CDK8: variants seen among roughly 807,000 people sequenced by gnomAD.
CDK8 encodes the protein cyclin dependent kinase 8.
A neutral mutation model predicts 71.5 loss-of-function variants in CDK8; 29 were observed. That is an observed-to-expected ratio of 0.41 (90% CI 0.30 to 0.55). CDK8 has a LOEUF of 0.55. CDK8 is among the 20% of genes least tolerant of loss of function. The probability of loss-of-function intolerance (pLI) is 0.37; values close to 1 mark genes in which losing one functional copy is unlikely to be tolerated. For missense variants in CDK8, 288 were observed against 572.6 expected, an observed-to-expected ratio of 0.50 and a Z score of 5.07; for synonymous variants, 161 against 192.1, an observed-to-expected ratio of 0.84 and a Z score of 1.34.
At chr13:26,261,883 G>T (rs927561206) in intron 1 of CDK8, among the ~76,000 whole-genome samples, 7 of 152,144 alleles carry the variant, frequency 4.6e-5, no homozygotes, top group African/African-American at 1.7e-4. Context: ...ATTGACTTTG[G>T]TTTAGGACCA....
At chr13:26,376,811 C>T (rs1000441075) in intron 4 of CDK8, among the ~76,000 whole-genome samples, 1 of 151,836 alleles carries the variant, frequency 6.6e-6, no homozygotes, top group Non-Finnish European at 1.5e-5. Context: ...AAGAAAAAAC[C>T]CTTGGGTTTT....
At chr13:26,308,995 A>G (rs1471263831) in intron 1 of CDK8, among the ~76,000 whole-genome samples, 3 of 152,256 alleles carry the variant, frequency 2.0e-5, no homozygotes, top group Admixed American at 6.5e-5. Flanking sequence ...AAGTGGGGAC[A>G]AATAAAGAAG....
intron 1 of CDK8, among the ~76,000 whole-genome samples, chr13:26,260,751 A>C (rs1383834981): frequency 1.3e-5 from 2 of 152,214 alleles, no homozygotes; most frequent in Non-Finnish European, 2.9e-5. Context: ...TTGACAATTA[A>C]TTCTCTGGGC....
intron 1 of CDK8, among the ~76,000 whole-genome samples, chr13:26,285,652 CAA>C (rs922430942): frequency 2.6e-5 from 4 of 152,082 alleles, no homozygotes; most frequent in Non-Finnish European, 1.5e-5. Context: ...AGCAGTCAGA[CAA>C]GAGAAGGAAA....
intron 1 of CDK8, among the ~76,000 whole-genome samples, chr13:26,266,101 G>C (rs1004753496): frequency 2.6e-5 from 4 of 151,956 alleles, no homozygotes; most frequent in Non-Finnish European, 5.9e-5. Flanking sequence ...GGCTTGGGCA[G>C]CTGGATATTG....
chr13:26,273,895 G>A (rs1872447693), intron 1 of CDK8, among the ~76,000 whole-genome samples: 1 of 152,144 alleles, frequency 6.6e-6, no homozygotes, highest in Non-Finnish European at 1.5e-5. Context: ...TTTAAGGCAT[G>A]TTTTAAAATT....
At chr13:26,290,259 T>C (rs1294313743) in intron 1 of CDK8, among the ~76,000 whole-genome samples, 1 of 152,222 alleles carries the variant, frequency 6.6e-6, no homozygotes, top group African/African-American at 2.4e-5. Context: ...GCGAAAATCA[T>C]GCTAATTCAC....
intron 2 of CDK8, among the ~76,000 whole-genome samples, chr13:26,341,574 G>T (rs892428889): frequency 2.6e-5 from 4 of 152,152 alleles, no homozygotes; most frequent in African/African-American, 9.6e-5. Context: ...TATAAATTAA[G>T]AATTTATTTT....
chr13:26,400,988 C>T (rs1689264400), intron 10 of CDK8, among the ~76,000 whole-genome samples: 2 of 152,078 alleles, frequency 1.3e-5, no homozygotes, highest in African/African-American at 2.4e-5. Flanking sequence ...TATATTTGGT[C>T]TGTATTAATA....
At chr13:26,273,494 A>G (rs1566466523) in intron 1 of CDK8, among the ~76,000 whole-genome samples, 2 of 152,070 alleles carry the variant, frequency 1.3e-5, no homozygotes, top group South Asian at 4.1e-4. Flanking sequence ...TATTCACTAA[A>G]TCTTTATTTT....
Position 26,349,194 on chromosome 13 carries a change from T to A in CDK8, c.315+12T>A. ...AACATGACCTCTGGGTAAGGTGAATTGCTGGCAGACATGAGCAAACAGTCA... is the reference window on the plus strand; with the variant it reads ...AACATGACCTCTGGGTAAGGTGAATAGCTGGCAGACATGAGCAAACAGTCA... On this transcript the variant is annotated intron_variant, in intron 3 of 12. Coordinates refer to ENST00000381527, the MANE Select transcript of CDK8 (RefSeq NM_001260.3). 1 of 1,441,446 alleles carries A rather than the reference T, an allele frequency of 6.9e-7. No homozygotes were observed. The highest frequency in any genetic ancestry group is 9.7e-7 in the Non-Finnish European group (1 of 1,029,898). 89.3% of individuals were successfully genotyped at this position (1,441,446 alleles called of 1,614,324 possible).
At chr13:26,341,988 T>C (rs941256929) in intron 2 of CDK8, among the ~76,000 whole-genome samples, 2 of 152,166 alleles carry the variant, frequency 1.3e-5, no homozygotes, top group East Asian at 3.9e-4. Flanking sequence ...TGGCGCAATC[T>C]CGGCTCACTG....
intron 1 of CDK8, among the ~76,000 whole-genome samples, chr13:26,336,712 C>T (rs1350204207): frequency 6.6e-6 from 1 of 152,040 alleles, no homozygotes; most frequent in Non-Finnish European, 1.5e-5. Context: ...CGCCACCACA[C>T]CCGGCTAATT....
intron 9 of CDK8, among the ~76,000 whole-genome samples, chr13:26,398,850 G>A (rs1477092445): frequency 6.6e-6 from 1 of 151,668 alleles, no homozygotes. Context: ...TGTAGTCCCA[G>A]CTACTCGGGA....
At chr13:26,334,195 A>G (rs1872882282) in intron 1 of CDK8, among the ~76,000 whole-genome samples, 1 of 152,210 alleles carries the variant, frequency 6.6e-6, no homozygotes, top group African/African-American at 2.4e-5. Context: ...AAATTGTCAT[A>G]TACCACCTTG....
At chr13:26,312,850 T>G (rs1874352070) in intron 1 of CDK8, among the ~76,000 whole-genome samples, 1 of 152,202 alleles carries the variant, frequency 6.6e-6, no homozygotes, top group Non-Finnish European at 1.5e-5. Context: ...CAGCACTGTG[T>G]ATATTTAATA....
At chr13:26,335,679 T>C (rs1185572502) in intron 1 of CDK8, among the ~76,000 whole-genome samples, 1 of 152,136 alleles carries the variant, frequency 6.6e-6, no homozygotes, top group Non-Finnish European at 1.5e-5. Context: ...GAAATCATTG[T>C]CTTTAACTTC....
intron 6 of CDK8, among the ~76,000 whole-genome samples, chr13:26,389,164 T>TTTTA (rs953929651): frequency 1.7e-4 from 26 of 152,256 alleles, no homozygotes; most frequent in African/African-American, 5.8e-4. Context: ...AGTTCTGTGC[T>TTTTA]TTTATTTATT....
At chr13:26,350,368 G>A (rs866171353) in intron 3 of CDK8, among the ~76,000 whole-genome samples, 3 of 152,048 alleles carry the variant, frequency 2.0e-5, no homozygotes, top group Admixed American at 1.3e-4. Context: ...AGTGTAGTGG[G>A]TCACACCTGT....
Sources: allele counts gnomAD v4.1 joint callset (sites outside exome capture counted in the v4.1 genomes callset), GRCh38; gene constraint gnomAD v4.1.1; transcripts MANE v1.5; gene names NCBI Gene and HGNC (gene_info 2026-07-23, HGNC 2026-07-21).